Variants in SLC25A21 observed in about 807,000 individuals in gnomAD.
The protein encoded by SLC25A21 is mitochondrial 2-oxodicarboxylate carrier.
A neutral mutation model predicts 43.8 loss-of-function variants in SLC25A21; 47 were observed. That is an observed-to-expected ratio of 1.07 (90% CI 0.85 to 1.37). SLC25A21 has a LOEUF of 1.37. Ranked by LOEUF, SLC25A21 falls within the 40% of genes most tolerant of loss-of-function variation. SLC25A21 has a pLI of 0.00. For missense variants in SLC25A21, 352 were observed against 350.2 expected (o/e 1.00, Z -0.04); for synonymous variants, 131 against 121.3 (o/e 1.08, Z -0.52).
In SLC25A21 at chr14:36,696,517, A is replaced by G. The variant is rs947119673; in HGVS notation, c.604-11592T>C. On this transcript the variant is annotated intron_variant, in intron 7 of 9. Coordinates refer to ENST00000331299, the MANE Select transcript of SLC25A21 (RefSeq NM_030631.4). ...CCTCTTTGTACCTCTGGTAGAATTC[A>G]GCTGTGAATCCATCTGGTCCTGGAC... is the stretch of plus-strand genomic sequence containing the variant. Among the ~76,000 whole-genome samples the G allele has an allele frequency of 2.0e-5, 3 of 152,028 alleles. No homozygotes were observed. The East Asian group carries it at 5.8e-4, about 29-fold the overall frequency.
At chr14:36,719,308 T>G (rs1158092209) in intron 6 of SLC25A21, among the ~76,000 whole-genome samples, 1 of 152,140 alleles carries the variant, frequency 6.6e-6, no homozygotes, top group Non-Finnish European at 1.5e-5. Context: ...AGCTACAAAG[T>G]CACATTGGCA....
intron 1 of SLC25A21, among the ~76,000 whole-genome samples, chr14:37,105,810 T>C (rs1962900493): frequency 6.6e-6 from 1 of 152,138 alleles, no homozygotes; most frequent in Admixed American, 6.6e-5. Flanking sequence ...GTCTGTCATT[T>C]CATCATATAG....
chr14:37,110,957 A>C (rs753542841), intron 1 of SLC25A21, among the ~76,000 whole-genome samples: 25 of 152,234 alleles, frequency 1.6e-4, no homozygotes, highest in Middle Eastern at 3.4e-3. Flanking sequence ...ACAGCAACAA[A>C]AAAAAAATCA....
intron 2 of SLC25A21, among the ~76,000 whole-genome samples, chr14:36,856,323 A>G (rs1403115808): frequency 1.3e-5 from 2 of 152,060 alleles, no homozygotes; most frequent in East Asian, 1.9e-4. Context: ...GTCTTTCTGT[A>G]TATTGTTTCT....
At chr14:37,034,772 A>C (rs1248129048) in intron 1 of SLC25A21, among the ~76,000 whole-genome samples, 3 of 152,226 alleles carry the variant, frequency 2.0e-5, no homozygotes, top group African/African-American at 7.2e-5. Context: ...TTGCTAAGCC[A>C]GGGCACAGGT....
chr14:37,172,222 C>CAGTA (rs1688397216), intron 1 of SLC25A21, 59 bp downstream of exon 1: 2 of 1,507,724 alleles, frequency 1.3e-6, no homozygotes, highest in Non-Finnish European at 1.8e-6. Flanking sequence ...GCAACGGTTT[C>CAGTA]AGGACACGCG....
intron 2 of SLC25A21, among the ~76,000 whole-genome samples, chr14:36,837,848 T>C (rs780810479): frequency 6.6e-6 from 1 of 152,200 alleles, no homozygotes; most frequent in Non-Finnish European, 1.5e-5. Flanking sequence ...TTACTTTTAC[T>C]GGTGAATGAG....
At chr14:37,030,092 T>C (rs914440957) in intron 1 of SLC25A21, among the ~76,000 whole-genome samples, 2 of 152,130 alleles carry the variant, frequency 1.3e-5, no homozygotes, top group Non-Finnish European at 2.9e-5. Flanking sequence ...CTGGAAGCCT[T>C]ACCAATAACA....
intron 1 of SLC25A21, among the ~76,000 whole-genome samples, chr14:37,146,840 T>G (rs2138927967): frequency 6.6e-6 from 1 of 152,312 alleles, no homozygotes; most frequent in Middle Eastern, 3.4e-3. Flanking sequence ...AATGTAAGAA[T>G]ACATAGATTC....
At chr14:36,987,539 C>T (rs985248104) in intron 1 of SLC25A21, among the ~76,000 whole-genome samples, 1 of 152,040 alleles carries the variant, frequency 6.6e-6, no homozygotes, top group Non-Finnish European at 1.5e-5. Flanking sequence ...GAGATCATAC[C>T]GTACAGTTCT....
At chr14:36,956,985 C>T (rs1488400293) in intron 1 of SLC25A21, among the ~76,000 whole-genome samples, 1 of 152,168 alleles carries the variant, frequency 6.6e-6, no homozygotes. Flanking sequence ...CAGAGCTTTT[C>T]GTCCAAATGC....
intron 2 of SLC25A21, among the ~76,000 whole-genome samples, chr14:36,823,339 T>C (rs1284155780): frequency 6.6e-6 from 1 of 152,218 alleles, no homozygotes; most frequent in African/African-American, 2.4e-5. Context: ...CTAGCATAAC[T>C]TTCAATTATT....
rs532565625 is a variant in SLC25A21, at chr14:36,865,585, G to T, written c.119+9371C>A. Among the ~76,000 whole-genome samples the T allele has an allele frequency of 2.6e-5, 4 of 151,622 alleles. No individual in the cohort carries two copies. The South Asian group carries it at 8.4e-4, about 32-fold the overall frequency. Reference sequence around the variant, plus strand: ...AATGAGAATCACAGGTTAATGAAAGGTTCAACACTTAAGAAAAAAAAAAAG... The same window carrying T: ...AATGAGAATCACAGGTTAATGAAAGTTTCAACACTTAAGAAAAAAAAAAAG... On this transcript the variant is annotated intron_variant, in intron 2 of 9. Transcript: ENST00000331299.
At chr14:36,785,932 T>C (rs17105308) in intron 3 of SLC25A21, among the ~76,000 whole-genome samples, 33,983 of 152,132 alleles carry the variant, frequency 0.22, 3,924 homozygotes, top group East Asian at 0.3. Context: ...CAGCTGGAAA[T>C]AGATACTGAA....
chr14:37,090,196 A>G (rs17106291), intron 1 of SLC25A21, among the ~76,000 whole-genome samples: 16,086 of 152,246 alleles, frequency 0.11, 2,338 homozygotes, highest in African/African-American at 0.31. Context: ...GGCATCTGGG[A>G]AGCTGAGCTA....
At chr14:37,039,582 T>C (rs1412961695) in intron 1 of SLC25A21, among the ~76,000 whole-genome samples, 1 of 152,224 alleles carries the variant, frequency 6.6e-6, no homozygotes, top group African/African-American at 2.4e-5. Flanking sequence ...TTGTTGAAGG[T>C]ATCACTACTG....
chr14:37,143,895 C>T (rs912675907), intron 1 of SLC25A21, among the ~76,000 whole-genome samples: 1 of 152,174 alleles, frequency 6.6e-6, no homozygotes, highest in Non-Finnish European at 1.5e-5. Context: ...AAACATCTAA[C>T]ACATTACAAA....
chr14:37,158,245 C>T (rs1193226767), intron 1 of SLC25A21, among the ~76,000 whole-genome samples: 4 of 152,108 alleles, frequency 2.6e-5, no homozygotes, highest in African/African-American at 9.7e-5. Flanking sequence ...ACCAGTATCA[C>T]CCTGATACCA....
chr14:36,824,092 T>C (rs1250674821), intron 2 of SLC25A21, among the ~76,000 whole-genome samples: 1 of 152,202 alleles, frequency 6.6e-6, no homozygotes, highest in Non-Finnish European at 1.5e-5. Flanking sequence ...ATGGCGTCTC[T>C]GGAGACCTAA....
Sources: allele counts gnomAD v4.1 joint callset (sites outside exome capture counted in the v4.1 genomes callset), GRCh38; gene constraint gnomAD v4.1.1; transcripts MANE v1.5; gene names NCBI Gene and HGNC (gene_info 2026-07-23, HGNC 2026-07-21).